Variants in PPP2R5A observed in about 807,000 individuals in gnomAD.
The protein encoded by PPP2R5A is serine/threonine-protein phosphatase 2A 56 kDa regulatory subunit alpha isoform.
PPP2R5A carries 25 observed loss-of-function variants against 64.2 expected under a neutral mutation model. That is an observed-to-expected ratio of 0.39 (90% CI 0.28 to 0.54). The LOEUF (loss-of-function observed/expected upper bound fraction) is 0.54. Ranked by LOEUF, PPP2R5A falls within the 20% of genes least tolerant of loss-of-function variation. The pLI is 0.67. For missense variants in PPP2R5A, 425 were observed against 576.3 expected, an observed-to-expected ratio of 0.74 and a Z score of 2.69; for synonymous variants, 198 against 201.2, an observed-to-expected ratio of 0.98 and a Z score of 0.13.
chr1:212,352,003 A>T (rs1275263397), intron 8 of PPP2R5A, among the ~76,000 whole-genome samples: 1 of 148,346 alleles, frequency 6.7e-6, no homozygotes, highest in African/African-American at 2.5e-5. Context: ...TTATTATTTT[A>T]TTTTTATTTT....
At chr1:212,340,992 A>G (rs1659676139) in intron 3 of PPP2R5A, among the ~76,000 whole-genome samples, 1 of 152,232 alleles carries the variant, frequency 6.6e-6, no homozygotes. Flanking sequence ...GCTTTGGGAT[A>G]GAATCCTCCT....
chr1:212,304,384 C>G (rs919459650), intron 1 of PPP2R5A, among the ~76,000 whole-genome samples: 2 of 152,088 alleles, frequency 1.3e-5, no homozygotes, highest in African/African-American at 4.8e-5. Context: ...AACCCCGTCT[C>G]TTCTTAAAAT....
At chr1:212,349,503 C>T (rs1659839721) in intron 8 of PPP2R5A, among the ~76,000 whole-genome samples, 1 of 152,010 alleles carries the variant, frequency 6.6e-6, no homozygotes, top group South Asian at 2.1e-4. Context: ...GATCAGATGA[C>T]CACAGTGAAA....
chr1:212,349,051 C>T (rs1213449988), intron 7 of PPP2R5A, 138 bp from the exon 8 acceptor site: 2 of 464,990 alleles, frequency 4.3e-6, no homozygotes, highest in Non-Finnish European at 7.1e-6. Context: ...CAATTTCATT[C>T]ACAGTTGTGA....
chr1:212,319,621 T>TTC lies in PPP2R5A; in HGVS notation c.182-9513_182-9512insCT, dbSNP rs553869514. 1,009 of 132,534 alleles carry TTC rather than the reference T, an allele frequency of 7.6e-3. 6 individuals are homozygous for TTC. Among genetic ancestry groups the TTC allele is most frequent in the Non-Finnish European group, 0.012 (740 of 61,186 alleles). The allele number at this position is 132,534 out of a possible 1,614,324, so 8.2% of individuals were successfully genotyped here. A position where few individuals can be genotyped will look rare whatever the true frequency, so the allele number is the denominator to read the frequency against. On this transcript the variant is annotated intron_variant, in intron 1 of 12. Coordinates refer to ENST00000261461, the MANE Select transcript of PPP2R5A (RefSeq NM_006243.4). ...TGTGTTCTTTTTGTTTTCTTTTCTTTTTTTTTTTTTTTTTTTGAGACGGAG... is the reference window on the plus strand; with the variant it reads ...TGTGTTCTTTTTGTTTTCTTTTCTTTTCTTTTTTTTTTTTTTTTGAGACGGAG...
At chr1:212,336,679 T>C (rs1571601891) in intron 3 of PPP2R5A, among the ~76,000 whole-genome samples, 1 of 152,362 alleles carries the variant, frequency 6.6e-6, no homozygotes, top group East Asian at 1.9e-4. Context: ...AGCTACGTTA[T>C]TAATCATCTT....
chr1:212,301,962 C>T, intron 1 of PPP2R5A: 1 of 1,356,924 alleles, frequency 7.4e-7, no homozygotes, highest in Non-Finnish European at 9.6e-7. Flanking sequence ...CCTGCTACTT[C>T]AAATTATTTA....
chr1:212,348,073 A>G (rs1286950285), intron 6 of PPP2R5A, among the ~76,000 whole-genome samples: 2 of 152,238 alleles, frequency 1.3e-5, no homozygotes, highest in Non-Finnish European at 2.9e-5. Context: ...TTCTAACAAT[A>G]TTGTGGTACT....
intron 5 of PPP2R5A, 99 bp downstream of exon 5, chr1:212,346,032 C>CA (rs2102443112): frequency 1.7e-6 from 2 of 1,200,048 alleles, no homozygotes; most frequent in South Asian, 3.2e-5. Context: ...GACAGGGTCT[C>CA]ACTCTGTCAT....
At chr1:212,328,003 C>T (rs1659436764) in intron 1 of PPP2R5A, among the ~76,000 whole-genome samples, 1 of 152,038 alleles carries the variant, frequency 6.6e-6, no homozygotes, top group Non-Finnish European at 1.5e-5. Flanking sequence ...TTAGTAGAGA[C>T]GGGGTTTTGC....
intron 1 of PPP2R5A, among the ~76,000 whole-genome samples, chr1:212,321,411 G>A (rs1659289221): frequency 6.6e-6 from 1 of 151,854 alleles, no homozygotes; most frequent in Non-Finnish European, 1.5e-5. Context: ...GCCAGGCGGA[G>A]ACGCTCCTCA....
intron 8 of PPP2R5A, chr1:212,352,956 G>C (rs1278144616): frequency 1.9e-6 from 1 of 517,780 alleles, no homozygotes; most frequent in South Asian, 1.4e-5. Flanking sequence ...CCATTCCATT[G>C]GGAGGAAAAA....
chr1:212,313,909 T>C (rs768519650), intron 1 of PPP2R5A: 2 of 152,246 alleles, frequency 1.3e-5, no homozygotes, highest in Non-Finnish European at 2.9e-5. Flanking sequence ...ACAACTCTAA[T>C]GGTTCCACCA....
intron 6 of PPP2R5A, 98 bp downstream of exon 6, chr1:212,347,504 G>T: frequency 1.1e-6 from 1 of 899,040 alleles, no homozygotes. Context: ...TCATATTTTA[G>T]AGTTTAAATG....
intron 8 of PPP2R5A, among the ~76,000 whole-genome samples, chr1:212,352,436 T>A (rs938193441): frequency 1.3e-5 from 2 of 151,246 alleles, no homozygotes; most frequent in Non-Finnish European, 2.9e-5. Flanking sequence ...CATTTGGGTT[T>A]GTTTGTTTGT....
At chr1:212,354,084 T>C (rs1163152169) in intron 8 of PPP2R5A, among the ~76,000 whole-genome samples, 1 of 152,154 alleles carries the variant, frequency 6.6e-6, no homozygotes, top group African/African-American at 2.4e-5. Context: ...CTCAGGAGGC[T>C]GAGGCAGGAG....
chr1:212,326,149 T>A (rs1305459291), intron 1 of PPP2R5A, among the ~76,000 whole-genome samples: 1 of 152,158 alleles, frequency 6.6e-6, no homozygotes, highest in African/African-American at 2.4e-5. Flanking sequence ...GGCTAGTGGT[T>A]CATTTTCACC....
chr1:212,360,878 A>C lies in PPP2R5A; in HGVS notation c.*108A>C. The stretch of plus-strand genomic sequence containing the variant: ...TCAGTATAATATAATTAAAAGGCCA[A>C]TTTTTTCTGGCAACTGTAAATGGAA... On this transcript the variant is annotated 3_prime_UTR_variant, in exon 13 of 13. Coordinates refer to ENST00000261461, the MANE Select transcript of PPP2R5A (RefSeq NM_006243.4). 1 of 1,103,258 alleles carries C rather than the reference A, an allele frequency of 9.1e-7. No homozygotes were observed. The highest frequency in any genetic ancestry group is 1.2e-6 in the Non-Finnish European group (1 of 830,678). 68.3% of individuals were successfully genotyped at this position (1,103,258 alleles called of 1,614,324 possible).
At chr1:212,300,592 G>A (rs960314167) in intron 1 of PPP2R5A, among the ~76,000 whole-genome samples, 3 of 152,128 alleles carry the variant, frequency 2.0e-5, no homozygotes, top group Admixed American at 6.5e-5. Flanking sequence ...TTTCCCATGA[G>A]TGGGATCATA....
Sources: gnomAD v4.1 joint callset for allele counts (sites outside exome capture counted in the v4.1 genomes callset) on GRCh38, gnomAD v4.1.1 for gene constraint, MANE v1.5 for transcripts, NCBI Gene and HGNC (gene_info 2026-07-23, HGNC 2026-07-21) for gene names.